ROBO1: variants seen among roughly 807,000 people sequenced by gnomAD.
ROBO1 encodes the protein roundabout guidance receptor 1.
A neutral mutation model predicts 195.9 loss-of-function variants in ROBO1; 149 were observed. The ratio of observed to expected loss-of-function variants is 0.76; its 90% CI spans 0.67 to 0.87. ROBO1 has a LOEUF of 0.87. ROBO1 is among the 40% of genes least tolerant of loss of function. The probability of loss-of-function intolerance (pLI) is 0.00; values close to 1 mark genes in which losing one functional copy is unlikely to be tolerated. For synonymous variants in ROBO1, 816 were observed against 733.2 expected, an observed-to-expected ratio of 1.11 and a Z score of -1.82; for missense variants, 1,933 against 2,068.3, an observed-to-expected ratio of 0.93 and a Z score of 1.27.
At chr3:79,121,105 A>C (rs1451592688) in intron 3 of ROBO1, among the ~76,000 whole-genome samples, 1 of 152,126 alleles carries the variant, frequency 6.6e-6, no homozygotes, top group East Asian at 1.9e-4. Flanking sequence ...CTCTATTAAT[A>C]ATAGCACTGT....
chr3:78,828,081 T>C (rs1424186209), intron 4 of ROBO1, among the ~76,000 whole-genome samples: 3 of 152,184 alleles, frequency 2.0e-5, no homozygotes, highest in African/African-American at 7.2e-5. Context: ...ATCCAAACTC[T>C]GTTGCTAGAT....
At chr3:79,142,870 A>C (rs915832641) in intron 2 of ROBO1, among the ~76,000 whole-genome samples, 2 of 152,154 alleles carry the variant, frequency 1.3e-5, no homozygotes, top group African/African-American at 2.4e-5. Flanking sequence ...ATGTATGAAC[A>C]TTTTAAGGAA....
intron 3 of ROBO1, among the ~76,000 whole-genome samples, chr3:79,058,427 C>T (rs1409915096): frequency 1.3e-5 from 2 of 152,056 alleles, no homozygotes; most frequent in African/African-American, 4.8e-5. Context: ...ACTCCCCATT[C>T]TGAGCCCAGA....
intron 26 of ROBO1, among the ~76,000 whole-genome samples, chr3:78,626,659 A>G (rs1704801180): frequency 6.6e-6 from 1 of 152,086 alleles, no homozygotes; most frequent in South Asian, 2.1e-4. Flanking sequence ...ATGTGGTAGA[A>G]ATGCGAAGTG....
intron 2 of ROBO1, among the ~76,000 whole-genome samples, chr3:79,298,476 C>G (rs2032716161): frequency 6.6e-6 from 1 of 152,046 alleles, no homozygotes; most frequent in South Asian, 2.1e-4. Flanking sequence ...CTGTCTGTTT[C>G]TCTATTTTAT....
At chr3:79,538,023 G>T (rs980087494) in intron 2 of ROBO1, among the ~76,000 whole-genome samples, 1 of 152,082 alleles carries the variant, frequency 6.6e-6, no homozygotes, top group Non-Finnish European at 1.5e-5. Context: ...AGCCATCCTG[G>T]GTCGTCGATT....
At chr3:78,676,072 G>A (rs1346919701) in intron 10 of ROBO1, among the ~76,000 whole-genome samples, 1 of 152,168 alleles carries the variant, frequency 6.6e-6, no homozygotes, top group Non-Finnish European at 1.5e-5. Flanking sequence ...ACAGGGTCTG[G>A]AGTGGACCTC....
At chr3:79,691,014 T>G (rs1278031633) in intron 1 of ROBO1, among the ~76,000 whole-genome samples, 4 of 151,932 alleles carry the variant, frequency 2.6e-5, no homozygotes. Context: ...AGATACATAT[T>G]CTTATAAACA....
intron 3 of ROBO1, among the ~76,000 whole-genome samples, chr3:79,047,017 A>C (rs2078607916): frequency 6.6e-6 from 1 of 152,122 alleles, no homozygotes; most frequent in Admixed American, 6.6e-5. Context: ...GAAGGTATGC[A>C]ACTCACTTTG....
chr3:79,087,555 C>T (rs1485527518), intron 3 of ROBO1, among the ~76,000 whole-genome samples: 8 of 150,376 alleles, frequency 5.3e-5, no homozygotes, highest in Admixed American at 4.0e-4. Context: ...TTCCTTCTTC[C>T]TTCCTTCATT....
intron 2 of ROBO1, among the ~76,000 whole-genome samples, chr3:79,532,637 A>AG (rs1344179372): frequency 1.3e-5 from 2 of 151,910 alleles, no homozygotes; most frequent in Non-Finnish European, 2.9e-5. Context: ...ATTATTAAAA[A>AG]AATCAAATAC....
rs535934732 is a variant in ROBO1 at position 78,967,829 on chromosome 3, G to A, written c.173-28902C>T. On this transcript the variant is annotated intron_variant, in intron 3 of 30. Coordinates refer to ENST00000464233, the MANE Select transcript of ROBO1 (RefSeq NM_002941.4). Reference sequence around the variant, plus strand: ...GATGGATAACTAGTCTTAAATTAGGGTGAAATTAAATGGTATCTTTAAAAA... The same window carrying A: ...GATGGATAACTAGTCTTAAATTAGGATGAAATTAAATGGTATCTTTAAAAA... Among the ~76,000 whole-genome samples, 41 of 152,080 alleles carry A rather than the reference G, an allele frequency of 2.7e-4. No individual in the cohort carries two copies. In the South Asian group the frequency reaches 6.6e-3, roughly 25 times the overall value.
chr3:79,206,859 TTAGAGA>T (rs1036364877), intron 2 of ROBO1, among the ~76,000 whole-genome samples: 1 of 152,210 alleles, frequency 6.6e-6, no homozygotes, highest in African/African-American at 2.4e-5. Context: ...TAAAACTATT[TTAGAGA>T]TAATTTCATT....
intron 3 of ROBO1, among the ~76,000 whole-genome samples, chr3:79,099,736 G>C (rs899806732): frequency 6.6e-6 from 1 of 151,732 alleles, no homozygotes; most frequent in African/African-American, 2.4e-5. Flanking sequence ...TAATTTAATG[G>C]AGATAATACT....
chr3:78,974,454 G>A lies in ROBO1; in HGVS notation c.173-35527C>T, dbSNP rs544371823. ...GACAGATGGTGTCAACAGACCAGTC[G>A]ATTAGTCAGCTTGGCAATAGAAGGA... is the stretch of plus-strand genomic sequence containing the variant. On this transcript the variant is annotated intron_variant, in intron 3 of 30. Coordinates refer to ENST00000464233, the MANE Select transcript of ROBO1 (RefSeq NM_002941.4). Among the ~76,000 whole-genome samples the A allele has an allele frequency of 1.6e-4, 24 of 152,144 alleles. 1 individual carries two copies. Among genetic ancestry groups the A allele is most frequent in the African/African-American group, 4.6e-4 (19 of 41,508 alleles).
chr3:79,216,318 C>A (rs1455402919), intron 2 of ROBO1, among the ~76,000 whole-genome samples: 1 of 151,978 alleles, frequency 6.6e-6, no homozygotes, highest in East Asian at 1.9e-4. Flanking sequence ...AAGAAGGGAA[C>A]AATCTCTTGT....
intron 1 of ROBO1, among the ~76,000 whole-genome samples, chr3:79,617,305 A>T (rs1944855948): frequency 2.6e-5 from 4 of 152,120 alleles, no homozygotes; most frequent in Admixed American, 1.3e-4. Flanking sequence ...CCAAATAAAA[A>T]TACTTGTTGA....
At chr3:78,751,392 A>G (rs114041837) in intron 4 of ROBO1, among the ~76,000 whole-genome samples, 46 of 152,296 alleles carry the variant, frequency 3.0e-4, no homozygotes, top group African/African-American at 1.1e-3. Context: ...GAACCTTAGT[A>G]AGTAACAATT....
At chr3:79,398,925 T>G (rs2037255355) in intron 2 of ROBO1, among the ~76,000 whole-genome samples, 1 of 151,330 alleles carries the variant, frequency 6.6e-6, no homozygotes, top group Non-Finnish European at 1.5e-5. Flanking sequence ...AAAAGTATGT[T>G]TTTTTTTTCA....
Sources: allele counts gnomAD v4.1 joint callset (sites outside exome capture counted in the v4.1 genomes callset), GRCh38; gene constraint gnomAD v4.1.1; transcripts MANE v1.5; gene names NCBI Gene and HGNC (gene_info 2026-07-23, HGNC 2026-07-21).